SYNPR: variants seen among roughly 807,000 people sequenced by gnomAD.
SYNPR encodes synaptoporin.
In SYNPR, 23 loss-of-function variants were observed where a neutral mutation model predicts 32.9. The observed-to-expected ratio is 0.70, with a 90% CI of 0.50 to 0.99. The LOEUF (loss-of-function observed/expected upper bound fraction) is 0.99, where lower values mean the gene tolerates loss of function less well. SYNPR is among the 50% of genes least tolerant of loss of function. The pLI, the probability that SYNPR is intolerant of heterozygous loss-of-function variation, is 0.00. For synonymous variants in SYNPR, 146 were observed against 135.9 expected, an observed-to-expected ratio of 1.07 and a Z score of -0.52; for missense variants, 318 against 349.3, an observed-to-expected ratio of 0.91 and a Z score of 0.71.
the SYNPR span, among the ~76,000 whole-genome samples, chr3:63,220,261 C>T: frequency 6.6e-6 from 1 of 152,160 alleles, no homozygotes; most frequent in East Asian, 1.9e-4. Flanking sequence ...GAAAAACAGT[C>T]AACAAAATTA....
intron 2 of SYNPR, among the ~76,000 whole-genome samples, chr3:63,478,049 T>G (rs1410459173): frequency 1.3e-5 from 2 of 152,204 alleles, no homozygotes; most frequent in African/African-American, 4.8e-5. Context: ...AAATGTAACC[T>G]GGAAGCCCAT....
chr3:63,263,551 G>A (rs78588527), intron 2 of SYNPR, among the ~76,000 whole-genome samples: 2,003 of 152,284 alleles, frequency 0.013, 39 homozygotes, highest in African/African-American at 0.046. Context: ...AACAGAGGAG[G>A]CTCACGTCTG....
chr3:63,435,101 T>C (rs1389921802), intron 2 of SYNPR, among the ~76,000 whole-genome samples: 1 of 152,190 alleles, frequency 6.6e-6, no homozygotes, highest in East Asian at 1.9e-4. Flanking sequence ...AATGCCCATC[T>C]CCCACCTTGT....
intron 2 of SYNPR, among the ~76,000 whole-genome samples, chr3:63,413,933 T>C (rs1315557577): frequency 6.6e-6 from 1 of 152,030 alleles, no homozygotes. Flanking sequence ...TTTCTCCATT[T>C]ATTTTCTTAG....
chr3:63,511,126 G>A (rs1375466415), intron 3 of SYNPR, among the ~76,000 whole-genome samples: 1 of 144,442 alleles, frequency 6.9e-6, no homozygotes, highest in Admixed American at 7.0e-5. Context: ...TGCTTTTTGG[G>A]TATTGGGAAT....
intron 4 of SYNPR, among the ~76,000 whole-genome samples, chr3:63,567,746 G>A (rs138165087): frequency 2.7e-4 from 41 of 152,292 alleles, no homozygotes; most frequent in Non-Finnish European, 3.8e-4. Flanking sequence ...AGAGATAGCA[G>A]GTAAAACTGA....
At chr3:63,509,357 T>C (rs1248023749) in intron 3 of SYNPR, among the ~76,000 whole-genome samples, 1 of 151,362 alleles carries the variant, frequency 6.6e-6, no homozygotes, top group East Asian at 1.9e-4. Context: ...TACACACATG[T>C]ATATAACTAA....
At chr3:63,340,784 T>A (rs1196743701) in intron 2 of SYNPR, among the ~76,000 whole-genome samples, 1 of 152,194 alleles carries the variant, frequency 6.6e-6, no homozygotes, top group South Asian at 2.1e-4. Context: ...TGAATTCTCA[T>A]ATCCCCCCTT....
intron 4 of SYNPR, among the ~76,000 whole-genome samples, chr3:63,595,937 T>TTATATATATATAGTTTTA (rs200856574): frequency 1.8e-4 from 13 of 72,444 alleles, no homozygotes; most frequent in Non-Finnish European, 3.0e-4. Flanking sequence ...ATATATAGTT[T>TTATATATATATAGTTTTA]TATATATATA....
chr3:63,277,381 G>A (rs2086586770), upstream of SYNPR, among the ~76,000 whole-genome samples: 1 of 152,114 alleles, frequency 6.6e-6, no homozygotes, highest in African/African-American at 2.4e-5. Context: ...AGCAAGATTA[G>A]CCCACTAAGA....
chr3:63,245,100 T>G (rs1159545548), intron 1 of SYNPR, among the ~76,000 whole-genome samples: 1 of 152,144 alleles, frequency 6.6e-6, no homozygotes, highest in Non-Finnish European at 1.5e-5. Context: ...TGAGAATTAC[T>G]TGGTTTGCAG....
chr3:63,501,520 G>T (rs955975249), intron 3 of SYNPR, among the ~76,000 whole-genome samples: 1 of 125,790 alleles, frequency 7.9e-6, no homozygotes, highest in Non-Finnish European at 1.7e-5. Flanking sequence ...AAAAAGAAAA[G>T]AAAAAGAAAA....
intron 2 of SYNPR, chr3:63,452,260 A>G (rs1700392698): frequency 1.9e-6 from 1 of 532,626 alleles, no homozygotes; most frequent in African/African-American, 1.9e-5. Context: ...GTCTCACGTA[A>G]GACTTGCAAT....
intron 3 of SYNPR, among the ~76,000 whole-genome samples, chr3:63,554,742 C>G (rs990196364): frequency 6.7e-6 from 1 of 149,806 alleles, no homozygotes; most frequent in Admixed American, 6.6e-5. Flanking sequence ...TTTTTTAATT[C>G]TGTGAAGAAT....
chr3:63,262,509 G>C (rs950721041), intron 2 of SYNPR, among the ~76,000 whole-genome samples: 6 of 151,876 alleles, frequency 4.0e-5, no homozygotes, highest in African/African-American at 4.9e-5. Flanking sequence ...CTGTGATACT[G>C]TATCCTTCCA....
intron 3 of SYNPR, among the ~76,000 whole-genome samples, chr3:63,552,418 G>A (rs1264605559): frequency 6.6e-6 from 1 of 152,198 alleles, no homozygotes; most frequent in Non-Finnish European, 1.5e-5. Context: ...GGGGCTCTAT[G>A]ATATAACCAT....
intron 3 of SYNPR, among the ~76,000 whole-genome samples, chr3:63,524,445 C>T (rs1575691429): frequency 6.6e-6 from 1 of 152,146 alleles, no homozygotes; most frequent in South Asian, 2.1e-4. Flanking sequence ...GGCAGGATCG[C>T]AGATGGGGGT....
intron 3 of SYNPR, among the ~76,000 whole-genome samples, chr3:63,485,527 G>A (rs1701130937): frequency 6.6e-6 from 1 of 152,152 alleles, no homozygotes; most frequent in African/African-American, 2.4e-5. Context: ...CAGTTGGAGA[G>A]AAAGTGTGTC....
At chr3:63,464,142 C>T (rs2106661074) in intron 2 of SYNPR, among the ~76,000 whole-genome samples, 1 of 152,248 alleles carries the variant, frequency 6.6e-6, no homozygotes, top group Middle Eastern at 3.4e-3. Flanking sequence ...ATTGTGTTTG[C>T]TCTGATGCTA....
Sources: gnomAD v4.1 joint callset for allele counts (sites outside exome capture counted in the v4.1 genomes callset) on GRCh38, gnomAD v4.1.1 for gene constraint, MANE v1.5 for transcripts, NCBI Gene and HGNC (gene_info 2026-07-23, HGNC 2026-07-21) for gene names.